Variants in CACHD1 observed in about 807,000 individuals in gnomAD.
The protein encoded by CACHD1 is cache domain containing 1, also known as VWFA and cache domain-containing protein 1.
CACHD1 carries 71 observed loss-of-function variants against 138.7 expected under a neutral mutation model. The observed-to-expected ratio is 0.51, with a 90% CI of 0.42 to 0.62. The LOEUF is 0.62. Ranked by LOEUF, CACHD1 falls within the 20% of genes least tolerant of loss-of-function variation. The probability of loss-of-function intolerance (pLI) is 0.00; values close to 1 mark genes in which losing one functional copy is unlikely to be tolerated. For synonymous variants in CACHD1, 578 were observed against 591.5 expected (o/e 0.98, Z 0.33); for missense variants, 1,389 against 1,625.3 (o/e 0.85, Z 2.50).
intron 1 of CACHD1, among the ~76,000 whole-genome samples, chr1:64,539,557 C>A (rs999800038): frequency 2.6e-5 from 4 of 152,264 alleles, no homozygotes; most frequent in Admixed American, 2.0e-4. Flanking sequence ...AGGCAAGAAA[C>A]AGCGTCTTTA....
chr1:64,569,272 A>G (rs1251063584), intron 2 of CACHD1, among the ~76,000 whole-genome samples: 1 of 152,248 alleles, frequency 6.6e-6, no homozygotes, highest in Non-Finnish European at 1.5e-5. Flanking sequence ...ATAAAAAAAT[A>G]AACACACACA....
chr1:64,679,157 G>A (rs185571555), intron 23 of CACHD1, among the ~76,000 whole-genome samples: 210 of 152,248 alleles, frequency 1.4e-3, no homozygotes, highest in African/African-American at 4.8e-3. Flanking sequence ...CCTTTTAAAG[G>A]AAACCCATAA....
At chr1:64,643,040 A>AAAAAAC in intron 8 of CACHD1, among the ~76,000 whole-genome samples, 1 of 9,420 alleles carries the variant, frequency 1.1e-4, no homozygotes, top group Non-Finnish European at 3.5e-4. Context: ...TCTGTCTAAA[A>AAAAAAC]AAAAAAAAAA....
At chr1:64,513,635 G>A (rs1646437803) in intron 1 of CACHD1, among the ~76,000 whole-genome samples, 1 of 152,220 alleles carries the variant, frequency 6.6e-6, no homozygotes, top group Non-Finnish European at 1.5e-5. Context: ...TGGTAGCCAT[G>A]AAAAGGACTC....
At chr1:64,490,994 T>C (rs1646271698) in intron 1 of CACHD1, among the ~76,000 whole-genome samples, 1 of 152,112 alleles carries the variant, frequency 6.6e-6, no homozygotes, top group Non-Finnish European at 1.5e-5. Context: ...AAGATAAAAA[T>C]CTAGAAAAAT....
At chr1:64,555,044 C>T (rs1307815271) in intron 2 of CACHD1, among the ~76,000 whole-genome samples, 4 of 152,046 alleles carry the variant, frequency 2.6e-5, no homozygotes, top group Non-Finnish European at 5.9e-5. Context: ...AGTTTGAGTG[C>T]TTGGTGCAAT....
chr1:64,667,601 A>G (rs922652260), intron 16 of CACHD1, among the ~76,000 whole-genome samples: 2 of 152,250 alleles, frequency 1.3e-5, no homozygotes, highest in African/African-American at 4.8e-5. Context: ...ACTGATGTCT[A>G]AATAGAGTGA....
At chr1:64,682,916 A>G (rs972822045) in intron 26 of CACHD1, among the ~76,000 whole-genome samples, 3 of 149,680 alleles carry the variant, frequency 2.0e-5, no homozygotes, top group Non-Finnish European at 4.4e-5. Context: ...TTTTTTTAAG[A>G]TAGCTGTTTA....
chr1:64,674,663 C>G (rs1001220565), intron 19 of CACHD1, among the ~76,000 whole-genome samples: 1 of 152,148 alleles, frequency 6.6e-6, no homozygotes, highest in Middle Eastern at 3.2e-3. Context: ...TAAGCTAATC[C>G]TCACCAAGCA....
At chr1:64,647,339 G>A (rs1045768021) in intron 8 of CACHD1, among the ~76,000 whole-genome samples, 4 of 152,126 alleles carry the variant, frequency 2.6e-5, no homozygotes, top group Admixed American at 6.5e-5. Context: ...GCTAGACTTT[G>A]GCAAGTGGTT....
At chr1:64,480,643 C>T (rs1025503625) in intron 1 of CACHD1, among the ~76,000 whole-genome samples, 3 of 151,320 alleles carry the variant, frequency 2.0e-5, no homozygotes, top group Non-Finnish European at 4.4e-5. Context: ...ACTATCATTG[C>T]GAACCAGTAC....
chr1:64,522,243 A>G (rs1175740530), intron 1 of CACHD1, among the ~76,000 whole-genome samples: 1 of 152,190 alleles, frequency 6.6e-6, no homozygotes, highest in East Asian at 1.9e-4. Context: ...GCACCCTTCA[A>G]GACCATAGAT....
intron 6 of CACHD1, among the ~76,000 whole-genome samples, chr1:64,633,117 A>AT (rs1446072466): frequency 6.6e-6 from 1 of 152,220 alleles, no homozygotes; most frequent in Non-Finnish European, 1.5e-5. Context: ...GCTCGCTGCC[A>AT]TTGTCCAGCA....
At chr1:64,493,104 A>G (rs1348166269) in intron 1 of CACHD1, among the ~76,000 whole-genome samples, 1 of 152,244 alleles carries the variant, frequency 6.6e-6, no homozygotes, top group Admixed American at 6.5e-5. Context: ...AGCTGTTGTC[A>G]CATCAAACGA....
chr1:64,570,024 C>A (rs1646914105), intron 2 of CACHD1, among the ~76,000 whole-genome samples: 1 of 152,162 alleles, frequency 6.6e-6, no homozygotes, highest in Non-Finnish European at 1.5e-5. Context: ...CTGACTCCAT[C>A]CTCCACCTAA....
At chr1:64,518,177 G>A (rs1299864277) in intron 1 of CACHD1, among the ~76,000 whole-genome samples, 1 of 152,150 alleles carries the variant, frequency 6.6e-6, no homozygotes, top group Non-Finnish European at 1.5e-5. Flanking sequence ...TAATTTGTCA[G>A]CTCATGACCT....
chr1:64,676,530 G>A (rs528808522), intron 21 of CACHD1, among the ~76,000 whole-genome samples: 3 of 152,144 alleles, frequency 2.0e-5, no homozygotes, highest in Non-Finnish European at 2.9e-5. Flanking sequence ...GTGCAGTGGC[G>A]CGATCATGGC....
chr1:64,601,008 G>A (rs1647207884), intron 3 of CACHD1, among the ~76,000 whole-genome samples: 1 of 152,210 alleles, frequency 6.6e-6, no homozygotes, highest in South Asian at 2.1e-4. Context: ...ATGTTGGACA[G>A]TGCAAATATA....
rs189361126 is a variant in CACHD1 at position 64,640,927 on chromosome 1, A to G, written c.1007-893A>G. Reference sequence around the variant, plus strand: ...AGTCAACCCACTTGACAGAAGTTCTACGGGACCAAAATTAACTCTCAGTTA... The same window carrying G: ...AGTCAACCCACTTGACAGAAGTTCTGCGGGACCAAAATTAACTCTCAGTTA... On this transcript the variant is annotated intron_variant, in intron 7 of 26. Coordinates refer to ENST00000651257, the MANE Select transcript of CACHD1 (RefSeq NM_020925.4). 6.2e-4 allele frequency among the ~76,000 whole-genome samples: 94 copies of G among 151,792 alleles called. No individual in the cohort carries two copies. In the East Asian group the frequency reaches 0.013, roughly 22 times the overall value.
Sources: gnomAD v4.1 joint callset for allele counts (sites outside exome capture counted in the v4.1 genomes callset) on GRCh38, gnomAD v4.1.1 for gene constraint, MANE v1.5 for transcripts, NCBI Gene and HGNC (gene_info 2026-07-23, HGNC 2026-07-21) for gene names.